The following BTBD8 variants were observed in gnomAD, a reference collection of about 807,000 sequenced individuals.
The protein encoded by BTBD8 is BTB/POZ domain-containing protein 8.
In BTBD8, 110 loss-of-function variants were observed where a neutral mutation model predicts 162.9. The ratio of observed to expected loss-of-function variants is 0.68; its 90% CI spans 0.58 to 0.79. The LOEUF is 0.79. Among genes scored for constraint, BTBD8 ranks in the 30% least tolerant of loss-of-function variants. The pLI, the probability that BTBD8 is intolerant of heterozygous loss-of-function variation, is 0.00. For synonymous variants in BTBD8, 667 were observed against 716.1 expected (o/e 0.93, Z 1.10); for missense variants, 1,905 against 2,085.4 (o/e 0.91, Z 1.68).
At chr1:92,130,724 A>G (rs1214883716) in intron 5 of BTBD8, among the ~76,000 whole-genome samples, 2 of 151,970 alleles carry the variant, frequency 1.3e-5, no homozygotes, top group Non-Finnish European at 2.9e-5. Context: ...TTTGAGATGG[A>G]GTCTCATTCG....
At chr1:92,148,589 C>G (rs1402034127) in intron 9 of BTBD8, among the ~76,000 whole-genome samples, 1 of 152,194 alleles carries the variant, frequency 6.6e-6, no homozygotes, top group Non-Finnish European at 1.5e-5. Flanking sequence ...TATTTCTCCT[C>G]TAGCCAGGAT....
chr1:92,149,851 G>A (rs563137274), intron 9 of BTBD8, among the ~76,000 whole-genome samples: 36 of 152,148 alleles, frequency 2.4e-4, no homozygotes, highest in East Asian at 1.4e-3. Context: ...TACCCATAGC[G>A]TCCAGACTGG....
At position 92,102,564 on chromosome 1, in the gene BTBD8, C is replaced by A; in HGVS notation, c.439C>A (p.Leu147Ile). 6.3e-7 allele frequency: 1 copy of A among 1,596,340 alleles called. No homozygotes were observed. Among genetic ancestry groups the A allele is most frequent in the African/African-American group, 1.3e-5 (1 of 74,394 alleles). The change falls in exon 3 of 18, where the codon CTT (leucine) becomes ATT (isoleucine). Residue 147 changes from leucine to isoleucine, a missense_variant. This residue lies in a region of BTBD8 where 1,374 missense variants were observed against 1,442.7 expected (regional missense o/e 0.95). Transcript: ENST00000636805. Reference sequence around the variant, plus strand: ...GGAGATTGGGATATCACAAAAGCAACTTGACATCAGTTTTCCAAAGTGTGA... The same window carrying A: ...GGAGATTGGGATATCACAAAAGCAAATTGACATCAGTTTTCCAAAGTGTGA... Reference protein sequence around the residue: ...IMEIGISQKQLDISFPKCENS... With the variant: ...IMEIGISQKQIDISFPKCENS...
chr1:92,184,016 G>C lies in BTBD8; in HGVS notation c.5065G>C (p.Asp1689His). Residue 1689 changes from aspartate to histidine, a missense_variant, in exon 18 of 18, where the codon GAT becomes CAT. Asp to His is a moderately conservative substitution (Grantham distance 81). Coordinates refer to ENST00000636805, the MANE Select transcript of BTBD8 (RefSeq NM_001376131.1). Reference sequence around the variant, plus strand: ...ACATGTTACAGATATGGATTTTGAAGATGACCAACATTTTGCAAAACAAGA... The same window carrying C: ...ACATGTTACAGATATGGATTTTGAACATGACCAACATTTTGCAAAACAAGA... ...ETHVTDMDFE[D>H]DQHFAKQDWT... 1 of 1,551,576 alleles carries C rather than the reference G, an allele frequency of 6.4e-7. No individual in the cohort carries two copies. The highest frequency in any genetic ancestry group is 8.7e-7 in the Non-Finnish European group (1 of 1,146,872).
chr1:92,178,011 T>G, intron 15 of BTBD8, 113 bp downstream of exon 15: 2 of 594,716 alleles, frequency 3.4e-6, no homozygotes, highest in Non-Finnish European at 5.8e-6. Context: ...GTTAATGTAT[T>G]TACATAATAT....
chr1:92,082,520 G>GT (rs973232322), intron 1 of BTBD8, among the ~76,000 whole-genome samples: 44 of 152,280 alleles, frequency 2.9e-4, no homozygotes, highest in African/African-American at 1.0e-3. Flanking sequence ...TTAGGGATTG[G>GT]TTAAGAATTG....
rs1214185269 is a variant in BTBD8 at position 92,182,435 on chromosome 1, T to C, written c.4752T>C (p.Cys1584=). The C allele has an allele frequency of 1.3e-6, 2 of 1,551,378 alleles. No homozygotes were observed. The change falls in exon 17 of 18, where the codon TGT becomes TGC. Residue 1584 remains cysteine (C), a synonymous_variant. Coordinates refer to ENST00000636805, the MANE Select transcript of BTBD8 (RefSeq NM_001376131.1). ...DSDVKSQERP[C]HLDLHQREPN... ...ATGTAAAATCTCAAGAAAGACCATGTCACTTGGATCTTCATCAAAGAGAAC... is the reference window on the plus strand; with the variant it reads ...ATGTAAAATCTCAAGAAAGACCATGCCACTTGGATCTTCATCAAAGAGAAC...
intron 5 of BTBD8, among the ~76,000 whole-genome samples, chr1:92,131,437 A>C (rs1431377867): frequency 6.6e-6 from 1 of 152,188 alleles, no homozygotes; most frequent in East Asian, 1.9e-4. Flanking sequence ...AAAATACATT[A>C]TGTAGGGCGG....
chr1:92,152,244 G>C (rs1650061621), intron 9 of BTBD8, among the ~76,000 whole-genome samples: 1 of 151,994 alleles, frequency 6.6e-6, no homozygotes, highest in African/African-American at 2.4e-5. Flanking sequence ...CATTTAAACA[G>C]CTAAGTAAAA....
rs768621391 is a variant in BTBD8 at position 92,177,056 on chromosome 1, A to C, written c.1863A>C (p.Lys621Asn). 293 of 1,551,068 alleles carry C rather than the reference A, an allele frequency of 1.9e-4. No individual in the cohort carries two copies. The highest frequency in any genetic ancestry group is 2.5e-4 in the Non-Finnish European group (284 of 1,146,826). ...CAAAAATAGCATCTAAGATTACAAA[A>C]GAACTAAAAACTGGGGGAAAAAATG... is the stretch of plus-strand genomic sequence containing the variant. Reference protein sequence around the residue: ...DGTKIASKITKELKTGGKNVS... With the variant: ...DGTKIASKITNELKTGGKNVS... The change falls in exon 14 of 18, where the codon AAA becomes AAC. Residue 621 changes from lysine (K) to asparagine (N), a missense_variant. Coordinates refer to ENST00000636805, the MANE Select transcript of BTBD8 (RefSeq NM_001376131.1).
chr1:92,089,414 A>G (rs1214518422), intron 2 of BTBD8, among the ~76,000 whole-genome samples: 1 of 152,196 alleles, frequency 6.6e-6, no homozygotes, highest in Admixed American at 6.5e-5. Flanking sequence ...GAAACTTTAA[A>G]GTATGTATAT....
chr1:92,090,010 A>T (rs761751592), intron 2 of BTBD8, among the ~76,000 whole-genome samples: 1 of 152,184 alleles, frequency 6.6e-6, no homozygotes, highest in Admixed American at 6.5e-5. Context: ...ATTTCATTGT[A>T]TGGCTATTCC....
chr1:92,105,206 ACAGG>A lies in BTBD8; in HGVS notation c.544+2539_544+2542del, dbSNP rs200837379. On this transcript the variant is annotated intron_variant, in intron 3 of 17. Transcript: ENST00000636805. ...CTCAGCCTGCCAGAGTGATGGGATT[ACAGG>A]CGTGAGCCACTGTGCCCGGCCCCTT... is the stretch of plus-strand genomic sequence containing the variant. Among the ~76,000 whole-genome samples, 1,359 of 152,236 alleles carry A rather than the reference ACAGG, an allele frequency of 8.9e-3. 16 individuals are homozygous for A. The highest frequency in any genetic ancestry group is 0.031 in the African/African-American group (1,278 of 41,526).
At chr1:92,153,602 A>G (rs555349614) in intron 9 of BTBD8, among the ~76,000 whole-genome samples, 2 of 152,168 alleles carry the variant, frequency 1.3e-5, no homozygotes, top group Non-Finnish European at 2.9e-5. Context: ...GGAAGCATAC[A>G]GTATTTGCCT....
At chr1:92,164,194 A>G (rs1407344961) in intron 9 of BTBD8, among the ~76,000 whole-genome samples, 1 of 152,180 alleles carries the variant, frequency 6.6e-6, no homozygotes, top group Non-Finnish European at 1.5e-5. Context: ...ATACATTTTT[A>G]AAGGATTATT....
intron 13 of BTBD8, among the ~76,000 whole-genome samples, chr1:92,173,038 C>T (rs1650594681): frequency 6.6e-6 from 1 of 152,140 alleles, no homozygotes. Context: ...CAGTTCTCCT[C>T]CCTCAGCCTC....
intron 14 of BTBD8, 30 bp downstream of exon 14, chr1:92,177,576 C>G (rs1650758964): frequency 7.3e-7 from 1 of 1,370,294 alleles, no homozygotes; most frequent in African/African-American, 1.5e-5. Flanking sequence ...TTTTTAATAT[C>G]TCCTGACAGT....
chr1:92,140,956 A>T, intron 6 of BTBD8, among the ~76,000 whole-genome samples, 159 bp from the exon 7 acceptor site: 1 of 152,224 alleles, frequency 6.6e-6, no homozygotes, highest in East Asian at 1.9e-4. Flanking sequence ...CCTGTTTATA[A>T]TCCATAAAGG....
At chr1:92,166,279 T>A (rs1650383056) in intron 9 of BTBD8, among the ~76,000 whole-genome samples, 1 of 152,172 alleles carries the variant, frequency 6.6e-6, no homozygotes, top group Non-Finnish European at 1.5e-5. Context: ...GAATTAGTGC[T>A]ATGCTGGTGT....
Sources: allele counts gnomAD v4.1 joint callset (sites outside exome capture counted in the v4.1 genomes callset), GRCh38; gene constraint gnomAD v4.1.1; regional missense constraint gnomAD v4.1.1; transcripts MANE v1.5; gene names NCBI Gene and HGNC (gene_info 2026-07-23, HGNC 2026-07-21).